The following TEAD4 variants were observed in gnomAD, a reference collection of about 807,000 sequenced individuals.
The protein encoded by TEAD4 is TEA domain transcription factor 4, also known as transcriptional enhancer factor TEF-3.
A neutral mutation model predicts 52.4 loss-of-function variants in TEAD4; 36 were observed. The ratio of observed to expected loss-of-function variants is 0.69; its 90% CI spans 0.53 to 0.91. The LOEUF (loss-of-function observed/expected upper bound fraction) is 0.91. TEAD4 is among the 40% of genes least tolerant of loss of function. The pLI is 0.00. For missense variants in TEAD4, 508 were observed against 583.9 expected (o/e 0.87, Z 1.34); for synonymous variants, 220 against 231.0 (o/e 0.95, Z 0.43).
chr12:3,032,534 C>CT (rs1434694149), intron 10 of TEAD4, among the ~76,000 whole-genome samples: 1 of 152,200 alleles, frequency 6.6e-6, no homozygotes, highest in Non-Finnish European at 1.5e-5. Context: ...CACTTGAGAA[C>CT]TGTGTCCTGG....
chr12:3,005,095 C>T (rs2098254778), intron 3 of TEAD4, among the ~76,000 whole-genome samples: 1 of 152,116 alleles, frequency 6.6e-6, no homozygotes, highest in Admixed American at 6.6e-5. Flanking sequence ...GGACAGTATG[C>T]CAAGTGAAAT....
chr12:3,033,779 C>T (rs1434206657), intron 10 of TEAD4, among the ~76,000 whole-genome samples: 2 of 152,174 alleles, frequency 1.3e-5, no homozygotes, highest in East Asian at 3.9e-4. Flanking sequence ...GGGCAGGGGA[C>T]CGGGGCAGCT....
intron 3 of TEAD4, among the ~76,000 whole-genome samples, chr12:3,007,274 T>G (rs2153956297): frequency 6.6e-6 from 1 of 152,314 alleles, no homozygotes; most frequent in East Asian, 1.9e-4. Context: ...CTACTGCTTC[T>G]CACCACAGGC....
intron 3 of TEAD4, among the ~76,000 whole-genome samples, chr12:3,006,587 G>A (rs892242591): frequency 2.0e-5 from 3 of 152,148 alleles, no homozygotes; most frequent in Non-Finnish European, 2.9e-5. Context: ...GGGAGGCTGA[G>A]GCAGGAGAAT....
At chr12:3,035,572 A>G (rs2098278851) in intron 10 of TEAD4, among the ~76,000 whole-genome samples, 2 of 152,208 alleles carry the variant, frequency 1.3e-5, no homozygotes, top group African/African-American at 4.8e-5. Flanking sequence ...CTGCAATCCC[A>G]ACACTTTGGG....
intron 6 of TEAD4, among the ~76,000 whole-genome samples, chr12:3,017,735 C>T (rs1057214506): frequency 6.6e-6 from 1 of 152,212 alleles, no homozygotes; most frequent in Non-Finnish European, 1.5e-5. Flanking sequence ...GGGTCCTCGG[C>T]AATGACTCCA....
intron 10 of TEAD4, among the ~76,000 whole-genome samples, chr12:3,031,115 C>T (rs950722391): frequency 1.3e-5 from 2 of 152,208 alleles, no homozygotes; most frequent in Non-Finnish European, 2.9e-5. Flanking sequence ...CCCAGTCTCC[C>T]GTCCAGCCCC....
chr12:3,018,639 G>A, intron 7 of TEAD4, 51 bp downstream of exon 7: 1 of 1,612,674 alleles, frequency 6.2e-7, no homozygotes, highest in Non-Finnish European at 8.5e-7. Context: ...AACTGAACTT[G>A]AACCCATAAA....
Position 3,022,724 on chromosome 12 carries a change from G to C in TEAD4, c.897+707G>C, listed in dbSNP as rs149984918. Among the ~76,000 whole-genome samples the C allele has an allele frequency of 7.7e-3, 1,172 of 152,266 alleles. 15 individuals are homozygous for C. Among genetic ancestry groups the C allele is most frequent in the South Asian group, 0.026 (127 of 4,824 alleles). ...GGGGCCCAGTGTGTGCAGAAAAGGG[G>C]TGCGAGGAGAGAGTCAGACAAGTAA... is the stretch of plus-strand genomic sequence containing the variant. On this transcript the variant is annotated intron_variant, in intron 10 of 12. Transcript: ENST00000359864.
At chr12:3,038,193 G>A (rs954058385) in intron 11 of TEAD4, 85 bp downstream of exon 11, 9 of 1,518,566 alleles carry the variant, frequency 5.9e-6, no homozygotes, top group Non-Finnish European at 8.0e-6. Flanking sequence ...CAGGAGGAAT[G>A]CCCTCCGTTA....
intron 2 of TEAD4, among the ~76,000 whole-genome samples, chr12:2,988,870 G>A (rs781562161): frequency 1.3e-5 from 2 of 152,202 alleles, no homozygotes; most frequent in Non-Finnish European, 2.9e-5. Flanking sequence ...GGAGGGACCT[G>A]AAGGGTGGCG....
intron 3 of TEAD4, among the ~76,000 whole-genome samples, chr12:3,000,518 A>G (rs2153955826): frequency 6.6e-6 from 1 of 152,230 alleles, no homozygotes; most frequent in Non-Finnish European, 1.5e-5. Flanking sequence ...TTAGCTCATT[A>G]ATCCCTGCGT....
At chr12:2,974,898 G>C (rs1171179838) in intron 2 of TEAD4, among the ~76,000 whole-genome samples, 1 of 151,984 alleles carries the variant, frequency 6.6e-6, no homozygotes, top group Middle Eastern at 3.2e-3. Flanking sequence ...GGAATTCCAG[G>C]GCAAGTGCTT....
At chr12:3,032,462 G>A (rs2098276271) in intron 10 of TEAD4, among the ~76,000 whole-genome samples, 1 of 152,226 alleles carries the variant, frequency 6.6e-6, no homozygotes, top group Non-Finnish European at 1.5e-5. Context: ...CCCTTCTGAT[G>A]TGTCATGGCA....
chr12:2,985,259 CCTGT>C (rs2098237202), intron 2 of TEAD4, among the ~76,000 whole-genome samples: 1 of 151,706 alleles, frequency 6.6e-6, no homozygotes, highest in Admixed American at 6.6e-5. Flanking sequence ...GTGGCAGGCA[CCTGT>C]AGTCCCAGCT....
chr12:3,013,273 T>C (rs116869139), intron 5 of TEAD4, among the ~76,000 whole-genome samples: 25,167 of 151,644 alleles, frequency 0.17, 4,760 homozygotes, highest in African/African-American at 0.46. Context: ...TTTTTTTTTT[T>C]TTTTTAGCAA....
chr12:2,995,948 C>T (rs944268690), intron 3 of TEAD4, among the ~76,000 whole-genome samples: 11 of 150,380 alleles, frequency 7.3e-5, no homozygotes, highest in South Asian at 4.2e-4. Context: ...GTCAAGGCTG[C>T]ATTGAGCCAT....
At chr12:2,992,424 C>G (rs1266234287) in intron 2 of TEAD4, among the ~76,000 whole-genome samples, 1 of 152,134 alleles carries the variant, frequency 6.6e-6, no homozygotes, top group African/African-American at 2.4e-5. Context: ...ATGTGCCTCC[C>G]ACACTTAGCC....
chr12:3,022,680 C>G (rs986979501), intron 10 of TEAD4, among the ~76,000 whole-genome samples: 4 of 152,176 alleles, frequency 2.6e-5, no homozygotes, highest in African/African-American at 9.7e-5. Flanking sequence ...AGTAGCTGCT[C>G]TGGGAGCTTA....
Sources: gnomAD v4.1 joint callset for allele counts (sites outside exome capture counted in the v4.1 genomes callset) on GRCh38, gnomAD v4.1.1 for gene constraint, MANE v1.5 for transcripts, NCBI Gene and HGNC (gene_info 2026-07-23, HGNC 2026-07-21) for gene names.